CAMK2B: variants seen among roughly 807,000 people sequenced by gnomAD.
CAMK2B encodes the protein calcium/calmodulin-dependent protein kinase type II subunit beta.
CAMK2B carries 27 observed loss-of-function variants against 93.7 expected under a neutral mutation model. The ratio of observed to expected loss-of-function variants is 0.29; its 90% CI spans 0.21 to 0.40. CAMK2B has a LOEUF of 0.40. Ranked by LOEUF, CAMK2B falls within the 10% of genes least tolerant of loss-of-function variation. The pLI, the probability that CAMK2B is intolerant of heterozygous loss-of-function variation, is 1.00. For synonymous variants in CAMK2B, 374 were observed against 358.8 expected (o/e 1.04, Z -0.48); for missense variants, 568 against 895.8 (o/e 0.63, Z 4.67).
intron 4 of CAMK2B, among the ~76,000 whole-genome samples, chr7:44,257,117 C>G (rs1215596105): frequency 6.6e-6 from 1 of 152,202 alleles, no homozygotes; most frequent in African/African-American, 2.4e-5. Flanking sequence ...CTGTGACATT[C>G]CCAAGCAAGG....
intron 15 of CAMK2B, 59 bp downstream of exon 15, chr7:44,234,331 C>T: frequency 7.0e-7 from 1 of 1,421,854 alleles, no homozygotes; most frequent in Non-Finnish European, 9.3e-7. Context: ...TGACCAGCGG[C>T]AATCACACAG....
intron 1 of CAMK2B, among the ~76,000 whole-genome samples, chr7:44,285,032 G>C (rs766670213): frequency 2.0e-5 from 3 of 152,152 alleles, no homozygotes; most frequent in Non-Finnish European, 2.9e-5. Context: ...AGGCCATCGA[G>C]AAGAGGCCAT....
intron 1 of CAMK2B, among the ~76,000 whole-genome samples, chr7:44,322,856 G>A (rs751312016): frequency 2.6e-5 from 4 of 152,262 alleles, no homozygotes; most frequent in East Asian, 1.9e-4. Flanking sequence ...TGGGCAGGGA[G>A]CTCAGCGCCA....
At chr7:44,282,063 C>A (rs948666955) in intron 2 of CAMK2B, among the ~76,000 whole-genome samples, 1 of 152,202 alleles carries the variant, frequency 6.6e-6, no homozygotes, top group Non-Finnish European at 1.5e-5. Context: ...TGCATGTGCA[C>A]GTAGACACGT....
intron 23 of CAMK2B, among the ~76,000 whole-genome samples, 167 bp downstream of exon 23, chr7:44,219,893 T>G (rs995796153): frequency 7.9e-5 from 12 of 152,092 alleles, no homozygotes; most frequent in Non-Finnish European, 1.3e-4. Context: ...CAGCCTGCCG[T>G]GGTCCCTAAT....
chr7:44,222,479 G>A (rs1327723318), intron 20 of CAMK2B, among the ~76,000 whole-genome samples: 4 of 151,738 alleles, frequency 2.6e-5, no homozygotes, highest in Non-Finnish European at 5.9e-5. Flanking sequence ...TCTGTCACCC[G>A]GGCTGGAGTG....
At chr7:44,283,532 C>T (rs1367535107) in intron 2 of CAMK2B, among the ~76,000 whole-genome samples, 1 of 152,262 alleles carries the variant, frequency 6.6e-6, no homozygotes, top group Non-Finnish European at 1.5e-5. Context: ...GAAGCCCTCC[C>T]AGGACAGGCG....
chr7:44,250,063 G>A (rs2096765885), intron 5 of CAMK2B, among the ~76,000 whole-genome samples: 1 of 152,234 alleles, frequency 6.6e-6, no homozygotes, highest in Non-Finnish European at 1.5e-5. Context: ...TCCAGGCCCT[G>A]CAAACGCATG....
At chr7:44,321,452 GGA>G (rs1796066601) in intron 1 of CAMK2B, among the ~76,000 whole-genome samples, 1 of 152,148 alleles carries the variant, frequency 6.6e-6, no homozygotes, top group Non-Finnish European at 1.5e-5. Flanking sequence ...GCCCTAGACT[GGA>G]GCTCAGGGGC....
chr7:44,291,626 C>T (rs908670477), intron 1 of CAMK2B, among the ~76,000 whole-genome samples: 3 of 152,230 alleles, frequency 2.0e-5, no homozygotes, highest in Non-Finnish European at 4.4e-5. Context: ...ACTTCACACA[C>T]GAACCCCACA....
chr7:44,314,718 T>G (rs1584921920), intron 1 of CAMK2B, among the ~76,000 whole-genome samples: 1 of 152,212 alleles, frequency 6.6e-6, no homozygotes. Context: ...CAGCAATGAA[T>G]GAGCATTCCA....
At chr7:44,235,033 C>T (rs547613345) in intron 13 of CAMK2B, among the ~76,000 whole-genome samples, 5 of 152,348 alleles carry the variant, frequency 3.3e-5, no homozygotes, top group African/African-American at 9.6e-5. Context: ...GATGGGAACT[C>T]AGGACTAGCT....
intron 1 of CAMK2B, among the ~76,000 whole-genome samples, chr7:44,290,647 T>G (rs1030229115): frequency 6.6e-6 from 1 of 152,234 alleles, no homozygotes; most frequent in Admixed American, 6.5e-5. Context: ...TATTTGTGTG[T>G]TGGCTTAAAA....
chr7:44,258,080 G>A (rs965200236), intron 4 of CAMK2B, among the ~76,000 whole-genome samples: 6 of 152,266 alleles, frequency 3.9e-5, no homozygotes, highest in Admixed American at 2.0e-4. Flanking sequence ...TAAATATAGC[G>A]CTGCTTAGCA....
intron 17 of CAMK2B, among the ~76,000 whole-genome samples, chr7:44,230,675 G>A (rs2096570585): frequency 6.6e-6 from 1 of 152,232 alleles, no homozygotes; most frequent in African/African-American, 2.4e-5. Context: ...GACAAGGACA[G>A]CATCTTGGAA....
At position 44,224,973 on chromosome 7, in the gene CAMK2B, TC is replaced by T. The variant is rs1179601025; in HGVS notation, c.1597+1542del. Reference sequence around the variant, plus strand: ...CCCTTTCCCAGCCCTGCCCAGCCCCTCCCAGGAGGGCCACACGAATCTCCAT... The same window carrying T: ...CCCTTTCCCAGCCCTGCCCAGCCCCTCCAGGAGGGCCACACGAATCTCCAT... On this transcript the variant is annotated intron_variant, in intron 20 of 23. Transcript: ENST00000395749. The surrounding 1 kb of genome is among the most constrained non-coding windows in gnomAD (Gnocchi z 4.4). Among the ~76,000 whole-genome samples, 3 of 151,290 alleles carry T rather than the reference TC, an allele frequency of 2.0e-5. No homozygotes were observed. The highest frequency in any genetic ancestry group is 4.4e-5 in the Non-Finnish European group (3 of 67,818).
chr7:44,285,933 T>G (rs528554086), intron 1 of CAMK2B, among the ~76,000 whole-genome samples: 1 of 151,734 alleles, frequency 6.6e-6, no homozygotes, highest in Admixed American at 6.5e-5. Context: ...TCTCTTGCTC[T>G]GCTTGATTTT....
rs538067362 is a variant in CAMK2B at position 44,323,255 on chromosome 7, T to C, written c.65+2102A>G. On this transcript the variant is annotated intron_variant, in intron 1 of 23. Coordinates refer to ENST00000395749, the MANE Select transcript of CAMK2B (RefSeq NM_001220.5). Reference sequence around the variant, plus strand: ...GCCTGCTCCTGGCTTGGGCATCTCCTCTTGTCCCAGGTCATGGGGCTCCCC... The same window carrying C: ...GCCTGCTCCTGGCTTGGGCATCTCCCCTTGTCCCAGGTCATGGGGCTCCCC... Among the ~76,000 whole-genome samples the C allele has an allele frequency of 5.3e-5, 8 of 152,336 alleles. No homozygotes were observed. The South Asian group carries it at 1.7e-3, about 32-fold the overall frequency.
In CAMK2B at chr7:44,311,956, C is replaced by T. The variant is rs1793680652; in HGVS notation, c.65+13401G>A. On this transcript the variant is annotated intron_variant, in intron 1 of 23. Transcript: ENST00000395749. This position sits in a 1 kb window ranked among gnomAD's most constrained non-coding sequence, Gnocchi z 4.2. ...CAACGGGGCCCAAATGAGGCACAGG[C>T]CCATCCTCACCACGGAGTCACGCCT... 6.6e-6 allele frequency among the ~76,000 whole-genome samples: 1 copy of T among 152,236 alleles called. No individual in the cohort carries two copies. Among genetic ancestry groups the T allele is most frequent in the South Asian group, 2.1e-4 (1 of 4,830 alleles).
Sources: gnomAD v4.1 joint callset for allele counts (sites outside exome capture counted in the v4.1 genomes callset) on GRCh38, gnomAD v4.1.1 for gene constraint, Gnocchi (gnomAD v3.1) non-coding constraint, MANE v1.5 for transcripts, NCBI Gene and HGNC (gene_info 2026-07-23, HGNC 2026-07-21) for gene names.